ADCY8: variants seen among roughly 807,000 people sequenced by gnomAD.
ADCY8 encodes adenylate cyclase type 8.
A neutral mutation model predicts 119.7 loss-of-function variants in ADCY8; 51 were observed. The ratio of observed to expected loss-of-function variants is 0.43; its 90% confidence interval spans 0.34 to 0.54. The LOEUF is 0.54. Ranked by LOEUF, ADCY8 falls within the 20% of genes least tolerant of loss-of-function variation. The probability of loss-of-function intolerance (pLI) is 0.03; values close to 1 mark genes in which losing one functional copy is unlikely to be tolerated. For missense variants in ADCY8, 1,383 were observed against 1,598.8 expected, an observed-to-expected ratio of 0.87 and a Z score of 2.30; for synonymous variants, 665 against 651.0, an observed-to-expected ratio of 1.02 and a Z score of -0.33.
rs573795275 is a variant in ADCY8 at position 130,921,494 on chromosome 8, C to T, written c.1482-11628G>A. Among the ~76,000 whole-genome samples the T allele has an allele frequency of 5.4e-5, 8 of 149,030 alleles. No individual in the cohort carries two copies. The East Asian group carries it at 5.9e-4, about 11-fold the overall frequency. On this transcript the variant is annotated intron_variant, in intron 5 of 17. Coordinates refer to ENST00000286355, the MANE Select transcript of ADCY8 (RefSeq NM_001115.3). ...AGACAGAGTTTTGCTCTTATTGCCC[C>T]GGCTAGGGTAGTGCAATGGCATGAT... is the stretch of plus-strand genomic sequence containing the variant.
At chr8:130,937,894 G>T (rs1448570600) in intron 4 of ADCY8, among the ~76,000 whole-genome samples, 1 of 152,094 alleles carries the variant, frequency 6.6e-6, no homozygotes, top group African/African-American at 2.4e-5. Context: ...ACCCTCTAAG[G>T]TGGGTTGTTT....
intron 1 of ADCY8, among the ~76,000 whole-genome samples, chr8:130,991,900 A>G (rs998436405): frequency 1.6e-4 from 24 of 152,142 alleles, no homozygotes; most frequent in Non-Finnish European, 3.1e-4. Flanking sequence ...GAAAAGAAAT[A>G]GAAACCTCAA....
At chr8:130,880,880 A>C (rs1818745389) in intron 8 of ADCY8, among the ~76,000 whole-genome samples, 1 of 152,228 alleles carries the variant, frequency 6.6e-6, no homozygotes, top group African/African-American at 2.4e-5. Context: ...TCACAGATTT[A>C]TAGCATTAAC....
intron 15 of ADCY8, 41 bp from the exon 16 acceptor site, chr8:130,785,516 T>C (rs1046044884): frequency 1.8e-5 from 27 of 1,492,958 alleles, no homozygotes; most frequent in Non-Finnish European, 2.5e-5. Context: ...CTGGTGTTTA[T>C]TCTTCCAGCA....
intron 1 of ADCY8, among the ~76,000 whole-genome samples, chr8:131,001,555 T>A (rs1166504751): frequency 6.7e-6 from 1 of 148,330 alleles, no homozygotes; most frequent in Non-Finnish European, 1.5e-5. Context: ...ATACATACTA[T>A]ATATACAAAT....
chr8:130,787,994 A>G (rs1815311589), intron 15 of ADCY8, among the ~76,000 whole-genome samples: 1 of 152,244 alleles, frequency 6.6e-6, no homozygotes, highest in African/African-American at 2.4e-5. Flanking sequence ...ATTATATCAC[A>G]TGCTTGTCTA....
intron 1 of ADCY8, among the ~76,000 whole-genome samples, chr8:131,032,805 G>T (rs138646638): frequency 5.9e-5 from 9 of 152,250 alleles, no homozygotes; most frequent in African/African-American, 1.9e-4. Flanking sequence ...TCCTGGGGAA[G>T]TGCAGGGAAG....
At chr8:130,985,935 C>T (rs754413350) in intron 2 of ADCY8, among the ~76,000 whole-genome samples, 1 of 152,082 alleles carries the variant, frequency 6.6e-6, no homozygotes, top group Admixed American at 6.6e-5. Context: ...TTCCAGTGCC[C>T]CCAGAGCTTC....
chr8:130,940,242 G>A (rs1053447627), intron 4 of ADCY8, among the ~76,000 whole-genome samples: 2 of 152,178 alleles, frequency 1.3e-5, no homozygotes, highest in Non-Finnish European at 2.9e-5. Context: ...GTCTGATTGT[G>A]GGGCTCCATG....
chr8:130,790,624 G>T (rs1197144374), intron 15 of ADCY8, among the ~76,000 whole-genome samples: 1 of 152,142 alleles, frequency 6.6e-6, no homozygotes, highest in Non-Finnish European at 1.5e-5. Flanking sequence ...TTTTGGTGGT[G>T]GTGGGGCACA....
intron 15 of ADCY8, among the ~76,000 whole-genome samples, chr8:130,795,444 C>T (rs1044211876): frequency 6.6e-6 from 1 of 152,218 alleles, no homozygotes; most frequent in Admixed American, 6.5e-5. Context: ...GCTGCACACT[C>T]GCGAAGCCGA....
Position 130,821,400 on chromosome 8 carries a change from T to A in ADCY8, c.2696A>T (p.Glu899Val), listed in dbSNP as rs1352425025. The change falls in exon 13 of 18, where the codon GAG (glutamate) becomes GTG (valine). Residue 899 changes from glutamate (E) to valine (V), a missense_variant. Glu to Val is a moderately radical substitution (Grantham distance 121, BLOSUM62 -2). Coordinates refer to ENST00000286355, the MANE Select transcript of ADCY8 (RefSeq NM_001115.3). The stretch of plus-strand genomic sequence containing the variant: ...CATGGCCATCAGTAGCAGTGATACC[T>A]CCTTGGTCCCCAGGAAATCTCTGTT... The part of the protein sequence containing the change: ...HSGEDFLGTK[E>V]VSLLLMAMFL... 6.2e-7 allele frequency: 1 copy of A among 1,613,182 alleles called. No homozygotes were observed. Among genetic ancestry groups the A allele is most frequent in the East Asian group, 2.2e-5 (1 of 44,878 alleles).
At chr8:130,927,570 C>A (rs1382071792) in intron 5 of ADCY8, among the ~76,000 whole-genome samples, 1 of 152,084 alleles carries the variant, frequency 6.6e-6, no homozygotes, top group Non-Finnish European at 1.5e-5. Flanking sequence ...TCGTTTCTTT[C>A]GTTATGCAGA....
intron 1 of ADCY8, among the ~76,000 whole-genome samples, chr8:131,027,985 C>T (rs1289903302): frequency 6.6e-6 from 1 of 152,144 alleles, no homozygotes; most frequent in Non-Finnish European, 1.5e-5. Flanking sequence ...GCTCACAGCC[C>T]AGCTGGTGAG....
intron 5 of ADCY8, among the ~76,000 whole-genome samples, chr8:130,918,876 C>T (rs753766585): frequency 6.6e-6 from 1 of 152,198 alleles, no homozygotes; most frequent in Non-Finnish European, 1.5e-5. Context: ...GCCTGGCTAA[C>T]ATGATGAAAC....
intron 3 of ADCY8, chr8:130,949,401 T>G (rs1476864284): frequency 1.3e-5 from 2 of 152,200 alleles, no homozygotes; most frequent in Non-Finnish European, 2.9e-5. Context: ...TATTTATAAA[T>G]TTATATGATT....
chr8:130,965,045 T>C (rs1821721699), intron 2 of ADCY8, among the ~76,000 whole-genome samples: 1 of 152,204 alleles, frequency 6.6e-6, no homozygotes, highest in Non-Finnish European at 1.5e-5. Context: ...GTGGGTTTGT[T>C]TACATTCTTA....
intron 1 of ADCY8, among the ~76,000 whole-genome samples, chr8:131,001,662 G>A (rs1201640163): frequency 1.3e-5 from 2 of 148,310 alleles, no homozygotes; most frequent in Admixed American, 6.8e-5. Context: ...AATATGTCTA[G>A]CAGATCACAA....
intron 2 of ADCY8, among the ~76,000 whole-genome samples, chr8:130,989,650 T>C (rs532651371): frequency 7.0e-4 from 106 of 152,318 alleles, no homozygotes; most frequent in Middle Eastern, 3.4e-3. Flanking sequence ...CCTGGAAAAT[T>C]GTGTTCAGAA....
Sources: gnomAD v4.1 joint callset for allele counts (sites outside exome capture counted in the v4.1 genomes callset) on GRCh38, gnomAD v4.1.1 for gene constraint, MANE v1.5 for transcripts, NCBI Gene and HGNC (gene_info 2026-07-23, HGNC 2026-07-21) for gene names.